Variants in NCOA2 observed in about 807,000 individuals in gnomAD.
The protein encoded by NCOA2 is class E basic helix-loop-helix protein 75.
A neutral mutation model predicts 145.1 loss-of-function variants in NCOA2; 21 were observed. The observed-to-expected ratio is 0.14, with a 90% CI of 0.10 to 0.21. NCOA2 has a LOEUF of 0.21. NCOA2 is among the 10% of genes least tolerant of loss of function. The pLI, the probability that NCOA2 is intolerant of heterozygous loss-of-function variation, is 1.00. For missense variants in NCOA2, 1,472 were observed against 1,837.6 expected (o/e 0.80, Z 3.64); for synonymous variants, 619 against 637.5 (o/e 0.97, Z 0.44).
chr8:70,133,260 G>A (rs781004345), intron 15 of NCOA2, among the ~76,000 whole-genome samples: 3 of 145,826 alleles, frequency 2.1e-5, no homozygotes, highest in Non-Finnish European at 4.5e-5. Context: ...AGGCTGGAGT[G>A]CAGTAGCTTT....
At chr8:70,126,574 AG>A in intron 19 of NCOA2, 1 of 502,138 alleles carries the variant, frequency 2.0e-6, no homozygotes. Flanking sequence ...TCATTCTTAA[AG>A]TAAGACCTGC....
chr8:70,373,304 G>T (rs920739105), intron 1 of NCOA2, among the ~76,000 whole-genome samples: 3 of 152,090 alleles, frequency 2.0e-5, no homozygotes, highest in Non-Finnish European at 4.4e-5. Context: ...TCTTATTGTG[G>T]TTTTAATTTG....
intron 1 of NCOA2, among the ~76,000 whole-genome samples, chr8:70,340,265 T>C (rs1443641698): frequency 6.6e-6 from 1 of 151,864 alleles, no homozygotes. Flanking sequence ...ACAACTCCAC[T>C]AAAAAGTGGA....
the NCOA2 span, among the ~76,000 whole-genome samples, chr8:70,435,946 G>A: frequency 4.1e-3 from 621 of 152,154 alleles, 6 homozygotes; most frequent in African/African-American, 0.014. Flanking sequence ...CTACAGGTGC[G>A]TGCCACGACG....
chr8:70,196,441 A>G (rs1017617614), intron 4 of NCOA2, among the ~76,000 whole-genome samples: 1 of 152,224 alleles, frequency 6.6e-6, no homozygotes, highest in Non-Finnish European at 1.5e-5. Flanking sequence ...ATGGATATAC[A>G]TCGGCGATGA....
chr8:70,261,763 C>G (rs1367667540), intron 2 of NCOA2, among the ~76,000 whole-genome samples: 1 of 152,016 alleles, frequency 6.6e-6, no homozygotes, highest in East Asian at 1.9e-4. Flanking sequence ...GCCACACCAC[C>G]CGAGCCCCTA....
intron 2 of NCOA2, among the ~76,000 whole-genome samples, chr8:70,259,965 G>C (rs1823977049): frequency 6.6e-6 from 1 of 152,180 alleles, no homozygotes; most frequent in African/African-American, 2.4e-5. Flanking sequence ...TAGCCAGCAG[G>C]ATGAGTCAAA....
intron 2 of NCOA2, among the ~76,000 whole-genome samples, chr8:70,221,556 A>T (rs78815869): frequency 6.6e-6 from 1 of 152,180 alleles, no homozygotes; most frequent in Non-Finnish European, 1.5e-5. Flanking sequence ...AAAAGAAAGT[A>T]GGCCAAACTT....
rs577773888 is a variant in NCOA2, at chr8:70,258,186, GGATTACAGGTGTGAACCACCTGTA to G, written c.-20+38534_-20+38557del. Reference sequence around the variant, plus strand: ...CCAGCCTCGGCCTCCCAAAGTGCTGGGATTACAGGTGTGAACCACCTGTAATGCCCAATGGGCATTTCTTGAATA... The same window carrying G: ...CCAGCCTCGGCCTCCCAAAGTGCTGGATGCCCAATGGGCATTTCTTGAATA... On this transcript the variant is annotated intron_variant, in intron 2 of 22. Coordinates refer to ENST00000452400, the MANE Select transcript of NCOA2 (RefSeq NM_006540.4). Among the ~76,000 whole-genome samples, 41 of 152,240 alleles carry G rather than the reference GGATTACAGGTGTGAACCACCTGTA, an allele frequency of 2.7e-4. No individual in the cohort carries two copies. In the East Asian group the frequency reaches 7.0e-3, roughly 26 times the overall value.
chr8:70,436,388 C>T, the NCOA2 span, among the ~76,000 whole-genome samples: 1 of 152,126 alleles, frequency 6.6e-6, no homozygotes, highest in South Asian at 2.1e-4. Context: ...TTGGAGGTCA[C>T]CCACATCTCA....
chr8:70,219,025 T>C (rs931192786), intron 2 of NCOA2, among the ~76,000 whole-genome samples: 6 of 152,200 alleles, frequency 3.9e-5, no homozygotes, highest in Non-Finnish European at 7.3e-5. Context: ...AGTTTGAGGA[T>C]GATTTAACAT....
chr8:70,220,064 A>G (rs1174064644), intron 2 of NCOA2, among the ~76,000 whole-genome samples: 1 of 152,260 alleles, frequency 6.6e-6, no homozygotes, highest in Non-Finnish European at 1.5e-5. Flanking sequence ...AAATATCTAA[A>G]ATAAACTCTA....
intron 2 of NCOA2, among the ~76,000 whole-genome samples, chr8:70,236,833 T>C (rs991300193): frequency 3.3e-5 from 5 of 152,210 alleles, no homozygotes; most frequent in Admixed American, 1.3e-4. Context: ...CCATTTCATA[T>C]AAGGGACTTG....
intron 2 of NCOA2, among the ~76,000 whole-genome samples, chr8:70,267,395 T>TTG (rs1563700867): frequency 7.8e-6 from 1 of 128,910 alleles, no homozygotes; most frequent in Non-Finnish European, 1.6e-5. Context: ...CCTTTCTGTT[T>TTG]TTTTTTTTTT....
intron 2 of NCOA2, among the ~76,000 whole-genome samples, chr8:70,247,793 A>AG (rs1222937286): frequency 3.3e-5 from 5 of 152,382 alleles, no homozygotes; most frequent in Non-Finnish European, 7.3e-5. Flanking sequence ...CATGGGCAGC[A>AG]GCAAAATGCT....
chr8:70,192,448 C>A (rs1816794680), intron 4 of NCOA2, among the ~76,000 whole-genome samples: 1 of 152,222 alleles, frequency 6.6e-6, no homozygotes, highest in Admixed American at 6.5e-5. Flanking sequence ...AGCCTGAGCC[C>A]TTAGTAGCTC....
intron 1 of NCOA2, among the ~76,000 whole-genome samples, chr8:70,314,116 C>T (rs1337032698): frequency 7.7e-6 from 1 of 129,370 alleles, no homozygotes; most frequent in East Asian, 2.4e-4. Context: ...GGAGGCAGAG[C>T]TTGCAGTGAG....
At chr8:70,403,109 C>A (rs965913099) in intron 1 of NCOA2, among the ~76,000 whole-genome samples, 1 of 150,472 alleles carries the variant, frequency 6.6e-6, no homozygotes, top group Non-Finnish European at 1.5e-5. Context: ...CCCAGCACTT[C>A]CCGAGTCCTG....
At chr8:70,404,646 A>G (rs1348011920), upstream of NCOA2, among the ~76,000 whole-genome samples, 3 of 152,222 alleles carry the variant, frequency 2.0e-5, no homozygotes, top group East Asian at 5.8e-4. Context: ...GGATAAAGCA[A>G]ATGCTGCACA....
Sources: allele counts gnomAD v4.1 joint callset (sites outside exome capture counted in the v4.1 genomes callset), GRCh38; gene constraint gnomAD v4.1.1; transcripts MANE v1.5; gene names NCBI Gene and HGNC (gene_info 2026-07-23, HGNC 2026-07-21).